CARMIL1: variants seen among roughly 807,000 people sequenced by gnomAD.
The protein encoded by CARMIL1 is F-actin-uncapping protein LRRC16A.
Under a neutral mutation model 177.1 loss-of-function variants are expected in CARMIL1, and 90 were observed. That is an observed-to-expected ratio of 0.51 (90% CI 0.43 to 0.61). The LOEUF is 0.61. CARMIL1 is among the 20% of genes least tolerant of loss of function. The pLI is 0.00. For synonymous variants in CARMIL1, 577 were observed against 606.2 expected (o/e 0.95, Z 0.71); for missense variants, 1,380 against 1,667.0 (o/e 0.83, Z 3.00).
At chr6:25,581,162 C>G (rs1813078014) in intron 30 of CARMIL1, 81 bp from the exon 31 acceptor site, 1 of 1,410,200 alleles carries the variant, frequency 7.1e-7, no homozygotes, top group Non-Finnish European at 9.7e-7. Flanking sequence ...CTTAAAATTA[C>G]TTTTAGGAAT....
chr6:25,597,397 T>A (rs888820918), intron 32 of CARMIL1, among the ~76,000 whole-genome samples: 3 of 152,212 alleles, frequency 2.0e-5, no homozygotes, highest in Non-Finnish European at 4.4e-5. Context: ...CATGTAAATA[T>A]TGACAACTGT....
rs145366462 is a variant in CARMIL1 at position 25,408,236 on chromosome 6, C to T, written c.139-11878C>T. 1.1e-3 allele frequency among the ~76,000 whole-genome samples: 161 copies of T among 148,668 alleles called. No homozygotes were observed. The East Asian group carries it at 0.013, about 12-fold the overall frequency. Reference sequence around the variant, plus strand: ...CTGGGAGGTCAAGGCTGCAGTGAGCCGAGATTGCACCACTGCACTCCAGCC... The same window carrying T: ...CTGGGAGGTCAAGGCTGCAGTGAGCTGAGATTGCACCACTGCACTCCAGCC... On this transcript the variant is annotated intron_variant, in intron 2 of 36. Coordinates refer to ENST00000329474, the MANE Select transcript of CARMIL1 (RefSeq NM_017640.6).
chr6:25,526,472 CT>C (rs1231051606), intron 23 of CARMIL1, among the ~76,000 whole-genome samples: 1 of 151,576 alleles, frequency 6.6e-6, no homozygotes, highest in East Asian at 1.9e-4. Flanking sequence ...CTCCCCTCCC[CT>C]TTCCTTCCCT....
chr6:25,617,959 C>T (rs1486275576), intron 36 of CARMIL1, among the ~76,000 whole-genome samples: 2 of 152,024 alleles, frequency 1.3e-5, no homozygotes, highest in African/African-American at 2.4e-5. Flanking sequence ...GCTTTCTTCC[C>T]CCAGTTTGAG....
At chr6:25,323,846 A>G (rs1191339826) in intron 2 of CARMIL1, among the ~76,000 whole-genome samples, 1 of 152,208 alleles carries the variant, frequency 6.6e-6, no homozygotes, top group East Asian at 1.9e-4. Flanking sequence ...TTCCCTTTCA[A>G]CTATAGTTTT....
chr6:25,285,694 G>A (rs1257799375), intron 2 of CARMIL1, among the ~76,000 whole-genome samples: 11 of 152,120 alleles, frequency 7.2e-5, no homozygotes, highest in Non-Finnish European at 2.9e-5. Flanking sequence ...TATGCAAAAA[G>A]CAGATAATAG....
chr6:25,520,221 A>G (rs1332742483), intron 22 of CARMIL1, 23 bp from the exon 23 acceptor site: 2 of 1,102,478 alleles, frequency 1.8e-6, no homozygotes, highest in East Asian at 2.6e-5. Context: ...TTAAATAAGT[A>G]TATTATTTTC....
At chr6:25,534,474 T>A (rs890574675) in intron 24 of CARMIL1, among the ~76,000 whole-genome samples, 1 of 152,096 alleles carries the variant, frequency 6.6e-6, no homozygotes, top group Admixed American at 6.5e-5. Flanking sequence ...TAACGATCCC[T>A]TCTGTTTTTC....
At chr6:25,545,920 G>A (rs919725008) in intron 26 of CARMIL1, among the ~76,000 whole-genome samples, 1 of 152,264 alleles carries the variant, frequency 6.6e-6, no homozygotes, top group Admixed American at 6.5e-5. Flanking sequence ...TGAAATACAT[G>A]ATTTTAAATA....
At chr6:25,332,292 T>G (rs997131378) in intron 2 of CARMIL1, among the ~76,000 whole-genome samples, 15 of 152,328 alleles carry the variant, frequency 9.8e-5, no homozygotes, top group African/African-American at 3.4e-4. Flanking sequence ...TTACAAATAT[T>G]TTTTGAGTGG....
chr6:25,476,149 A>T, intron 11 of CARMIL1, among the ~76,000 whole-genome samples: 1 of 152,168 alleles, frequency 6.6e-6, no homozygotes, highest in East Asian at 1.9e-4. Context: ...ATTACGGTGA[A>T]GTTTGAGAGA....
chr6:25,405,025 G>A (rs905964531), intron 2 of CARMIL1, among the ~76,000 whole-genome samples: 34 of 124,090 alleles, frequency 2.7e-4, no homozygotes, highest in Admixed American at 2.6e-3. Context: ...GACTAAACCC[G>A]TCAACGTTTC....
chr6:25,341,086 T>C (rs1786878445), intron 2 of CARMIL1, among the ~76,000 whole-genome samples: 1 of 152,172 alleles, frequency 6.6e-6, no homozygotes, highest in Non-Finnish European at 1.5e-5. Context: ...TTCTAAGCAC[T>C]CACATCCTTG....
At chr6:25,331,378 T>G (rs1284518941) in intron 2 of CARMIL1, among the ~76,000 whole-genome samples, 1 of 152,224 alleles carries the variant, frequency 6.6e-6, no homozygotes, top group Non-Finnish European at 1.5e-5. Context: ...CATGATAGGC[T>G]AAAGAGATTT....
chr6:25,385,811 A>T (rs955283202), intron 2 of CARMIL1, among the ~76,000 whole-genome samples: 2 of 152,204 alleles, frequency 1.3e-5, no homozygotes, highest in Admixed American at 6.5e-5. Context: ...TCATTATTCC[A>T]GTCTGTAGAT....
intron 16 of CARMIL1, among the ~76,000 whole-genome samples, chr6:25,496,244 G>A (rs990266382): frequency 6.6e-6 from 1 of 152,130 alleles, no homozygotes; most frequent in Non-Finnish European, 1.5e-5. Context: ...CTGGGAGGCT[G>A]AGGTGGGCAG....
chr6:25,442,930 CA>C lies in CARMIL1; in HGVS notation c.372-6966del, dbSNP rs528072538. Reference sequence around the variant, plus strand: ...AGGCTCTGGTTTCCAAATCTACCATCAAGATTAATTTATTTCTTTCTGTAGT... The same window carrying C: ...AGGCTCTGGTTTCCAAATCTACCATCAGATTAATTTATTTCTTTCTGTAGT... On this transcript the variant is annotated intron_variant, in intron 5 of 36. Coordinates refer to ENST00000329474, the MANE Select transcript of CARMIL1 (RefSeq NM_017640.6). Among the ~76,000 whole-genome samples, 9 of 152,254 alleles carry C rather than the reference CA, an allele frequency of 5.9e-5. No homozygotes were observed. The East Asian group carries it at 1.7e-3, about 29-fold the overall frequency.
intron 2 of CARMIL1, among the ~76,000 whole-genome samples, chr6:25,354,330 A>ATTTTTTTTTTTT (rs67395838): frequency 1.2e-5 from 1 of 80,562 alleles, no homozygotes; most frequent in Non-Finnish European, 2.4e-5. Flanking sequence ...GACTAATTAA[A>ATTTTTTTTTTTT]TTTTTTTTTT....
chr6:25,403,408 C>T (rs1443134975), intron 2 of CARMIL1, among the ~76,000 whole-genome samples: 1 of 152,134 alleles, frequency 6.6e-6, no homozygotes, highest in African/African-American at 2.4e-5. Context: ...CTCCTTCTCT[C>T]ACCCAACATG....
Sources: allele counts gnomAD v4.1 joint callset (sites outside exome capture counted in the v4.1 genomes callset), GRCh38; gene constraint gnomAD v4.1.1; transcripts MANE v1.5; gene names NCBI Gene and HGNC (gene_info 2026-07-23, HGNC 2026-07-21).